RAD51B: variants seen among roughly 807,000 people sequenced by gnomAD.
The protein encoded by RAD51B is RAD51 paralog B.
In RAD51B, 38 loss-of-function variants were observed where a neutral mutation model predicts 42.2. The observed-to-expected ratio is 0.90, with a 90% CI of 0.70 to 1.18. The LOEUF (loss-of-function observed/expected upper bound fraction) is 1.18, where lower values mean the gene tolerates loss of function less well. Ranked by LOEUF, RAD51B falls within the 50% of genes most tolerant of loss-of-function variation. RAD51B has a pLI of 0.00. For synonymous variants in RAD51B, 154 were observed against 145.2 expected (o/e 1.06, Z -0.43); for missense variants, 373 against 400.7 (o/e 0.93, Z 0.59).
downstream of RAD51B, among the ~76,000 whole-genome samples, chr14:68,616,028 T>C (rs140172212): frequency 2.0e-5 from 3 of 152,320 alleles, no homozygotes; most frequent in East Asian, 5.8e-4. Flanking sequence ...AGGGTTCTTT[T>C]TTGTTATTTC....
chr14:68,676,701 G>A lies in RAD51B; in HGVS notation c.*11+25845G>A, dbSNP rs185023244. ...GCAGGTGTGGCAAGCCCCCTGCTGA[G>A]GAATCCAGCCAGGGAAGGCATCCTT... On this transcript the variant is annotated intron_variant, in intron 11 of 11. Transcript: ENST00000488612. 1.3e-3 allele frequency among the ~76,000 whole-genome samples: 192 copies of A among 152,378 alleles called. 1 individual carries two copies. The Middle Eastern group carries it at 0.031, about 24-fold the overall frequency.
chr14:68,276,057 A>G (rs920218769), intron 7 of RAD51B, among the ~76,000 whole-genome samples: 6 of 152,110 alleles, frequency 3.9e-5, no homozygotes, highest in Non-Finnish European at 5.9e-5. Flanking sequence ...CATGCTTTTC[A>G]AAGAGCTCCT....
At chr14:68,225,332 T>C (rs1339887443) in intron 7 of RAD51B, among the ~76,000 whole-genome samples, 4 of 152,220 alleles carry the variant, frequency 2.6e-5, no homozygotes, top group African/African-American at 9.6e-5. Context: ...TGGATTCTTA[T>C]TAACGTTAGT....
At chr14:68,475,528 G>A (rs905403283) in intron 10 of RAD51B, among the ~76,000 whole-genome samples, 1 of 152,182 alleles carries the variant, frequency 6.6e-6, no homozygotes, top group African/African-American at 2.4e-5. Context: ...ATCTCCTTCA[G>A]GAAGGAACTT....
intron 8 of RAD51B, among the ~76,000 whole-genome samples, chr14:68,393,407 A>T (rs187208037): frequency 1.3e-5 from 2 of 152,312 alleles, no homozygotes; most frequent in African/African-American, 4.8e-5. Context: ...CTTGTCCTCT[A>T]TTCTCATACT....
At chr14:67,883,355 A>G (rs1013518427) in intron 5 of RAD51B, among the ~76,000 whole-genome samples, 3 of 150,546 alleles carry the variant, frequency 2.0e-5, no homozygotes, top group African/African-American at 7.3e-5. Context: ...AAAACCACAG[A>G]CCTAAAGGTC....
chr14:68,470,588 A>T, intron 10 of RAD51B: 2 of 508,034 alleles, frequency 3.9e-6, no homozygotes, highest in Non-Finnish European at 7.7e-6. Context: ...TTGGTGGGTC[A>T]TGAAGTGAAA....
At chr14:68,139,468 G>C (rs1192318167) in intron 7 of RAD51B, among the ~76,000 whole-genome samples, 1 of 152,122 alleles carries the variant, frequency 6.6e-6, no homozygotes, top group Non-Finnish European at 1.5e-5. Context: ...CTTATTAACA[G>C]CAGTGCTTAT....
At chr14:68,663,152 A>T (rs1411108235) in intron 11 of RAD51B, among the ~76,000 whole-genome samples, 1 of 152,176 alleles carries the variant, frequency 6.6e-6, no homozygotes, top group Admixed American at 6.5e-5. Flanking sequence ...AATACAAAAA[A>T]TTAGCTAGGC....
chr14:68,497,065 C>G, intron 10 of RAD51B: 1 of 1,314,894 alleles, frequency 7.6e-7, no homozygotes, highest in Non-Finnish European at 1.0e-6. Context: ...AGGCTTTATG[C>G]AAGCCTTCAA....
intron 5 of RAD51B, among the ~76,000 whole-genome samples, chr14:67,874,782 C>T (rs1221690219): frequency 2.6e-5 from 4 of 151,886 alleles, no homozygotes; most frequent in African/African-American, 9.7e-5. Context: ...GTGACCCATC[C>T]CCATATTCTA....
At chr14:68,052,301 T>C (rs550860409) in intron 7 of RAD51B, among the ~76,000 whole-genome samples, 223 of 152,254 alleles carry the variant, frequency 1.5e-3, no homozygotes, top group Admixed American at 2.2e-3. Context: ...ATAGTAATAA[T>C]AACTAACATT....
At chr14:68,234,883 TA>T (rs1409922299) in intron 7 of RAD51B, among the ~76,000 whole-genome samples, 2 of 152,236 alleles carry the variant, frequency 1.3e-5, no homozygotes, top group Non-Finnish European at 2.9e-5. Context: ...TTTGACTTTA[TA>T]AACTTTTAAT....
intron 7 of RAD51B, among the ~76,000 whole-genome samples, chr14:68,046,315 C>CT (rs2076298928): frequency 6.6e-6 from 1 of 152,144 alleles, no homozygotes. Flanking sequence ...CAAAGTCTGA[C>CT]TTTGTTGCCC....
intron 8 of RAD51B, among the ~76,000 whole-genome samples, chr14:68,380,732 A>C (rs2083462717): frequency 1.3e-5 from 2 of 152,198 alleles, no homozygotes; most frequent in South Asian, 4.1e-4. Flanking sequence ...TGTAATCCCA[A>C]ATCTTTTGTT....
chr14:68,414,859 TAAAAAA>T (rs33968049), intron 9 of RAD51B, among the ~76,000 whole-genome samples: 2 of 71,212 alleles, frequency 2.8e-5, no homozygotes, highest in African/African-American at 5.8e-5. Flanking sequence ...CCATCTCTAC[TAAAAAA>T]AAAAAAAAAA....
At chr14:68,464,501 G>C (rs1196936952) in intron 9 of RAD51B, among the ~76,000 whole-genome samples, 1 of 152,142 alleles carries the variant, frequency 6.6e-6, no homozygotes, top group East Asian at 1.9e-4. Flanking sequence ...TTTCATATTT[G>C]TTGTATGGGT....
Position 68,536,938 on chromosome 14 carries a change from G to T in RAD51B, c.1037-57547G>T, listed in dbSNP as rs556131355. On this transcript the variant is annotated intron_variant, in intron 10 of 10. Coordinates refer to the RAD51B transcript ENST00000487270. ...CAAAAAAAAATTGAAAAAATTAGCT[G>T]GGTGTGGTGGTGAGCATCTATAGTT... Among the ~76,000 whole-genome samples, 16 of 151,628 alleles carry T rather than the reference G, an allele frequency of 1.1e-4. No individual in the cohort carries two copies. The East Asian group carries it at 3.1e-3, about 30-fold the overall frequency.
At chr14:68,005,983 G>A (rs1423781349) in intron 7 of RAD51B, among the ~76,000 whole-genome samples, 8 of 152,116 alleles carry the variant, frequency 5.3e-5, no homozygotes, top group Non-Finnish European at 1.0e-4. Context: ...GAGAGAGGAA[G>A]GAGGTGATAA....
Sources: allele counts gnomAD v4.1 joint callset (sites outside exome capture counted in the v4.1 genomes callset), GRCh38; gene constraint gnomAD v4.1.1; transcripts MANE v1.5; gene names NCBI Gene and HGNC (gene_info 2026-07-23, HGNC 2026-07-21).